The following ZNF236 variants were observed in gnomAD, a reference collection of about 807,000 sequenced individuals.
ZNF236 encodes zinc finger protein 236.
ZNF236 carries 50 observed loss-of-function variants against 191.2 expected under a neutral mutation model. The observed-to-expected ratio is 0.26, with a 90% CI of 0.21 to 0.33. ZNF236 has a LOEUF of 0.33. Ranked by LOEUF, ZNF236 falls within the 10% of genes least tolerant of loss-of-function variation. The pLI, the probability that ZNF236 is intolerant of heterozygous loss-of-function variation, is 1.00. For synonymous variants in ZNF236, 907 were observed against 928.8 expected (o/e 0.98, Z 0.43); for missense variants, 1,754 against 2,374.5 (o/e 0.74, Z 5.43).
At chr18:76,953,578 A>T (rs1968458517) in intron 27 of ZNF236, among the ~76,000 whole-genome samples, 1 of 152,138 alleles carries the variant, frequency 6.6e-6, no homozygotes, top group South Asian at 2.1e-4. Context: ...CTCACTCTTC[A>T]TGTCTGAATA....
rs1012239854 is a variant in ZNF236 at position 76,969,658 on chromosome 18, G to A, written c.*1319G>A. ...AAAATAATTGCCTTTATTTTCTCTC[G>A]TTGCCTCCTTGGTTTCAGAAGAGAG... On this transcript the variant is annotated 3_prime_UTR_variant, in exon 31 of 31. Transcript: ENST00000320610. 2.0e-5 allele frequency: 3 copies of A among 151,346 alleles called. No individual in the cohort carries two copies. Among genetic ancestry groups the A allele is most frequent in the Non-Finnish European group, 4.4e-5 (3 of 67,840 alleles). 9.4% of individuals were successfully genotyped at this position (151,346 alleles called of 1,614,324 possible).
At chr18:76,898,847 G>A (rs1977510547) in intron 10 of ZNF236, among the ~76,000 whole-genome samples, 172 bp from the exon 11 acceptor site, 1 of 152,084 alleles carries the variant, frequency 6.6e-6, no homozygotes, top group Admixed American at 6.5e-5. Flanking sequence ...TCTATAATAT[G>A]CACTGTATAC....
At chr18:76,877,937 T>C in intron 6 of ZNF236, 72 bp from the exon 7 acceptor site, 1 of 1,178,002 alleles carries the variant, frequency 8.5e-7, no homozygotes, top group South Asian at 1.8e-5. Flanking sequence ...AAATTATGAT[T>C]TGCCATAATT....
intron 26 of ZNF236, among the ~76,000 whole-genome samples, chr18:76,947,148 T>C (rs772679842): frequency 4.6e-5 from 7 of 152,242 alleles, no homozygotes; most frequent in Non-Finnish European, 1.0e-4. Flanking sequence ...GTGTGGTCTT[T>C]TGTGACTGGC....
At chr18:76,958,431 A>G (rs550339726) in intron 28 of ZNF236, among the ~76,000 whole-genome samples, 163 of 152,256 alleles carry the variant, frequency 1.1e-3, no homozygotes, top group Non-Finnish European at 1.9e-3. Context: ...AGGTCAGAGA[A>G]ACAGAAGCCA....
At chr18:76,900,117 A>G (rs999864535) in intron 11 of ZNF236, among the ~76,000 whole-genome samples, 2 of 152,222 alleles carry the variant, frequency 1.3e-5, no homozygotes, top group African/African-American at 4.8e-5. Context: ...AATTCAATCT[A>G]TAAGCAAAAT....
intron 22 of ZNF236, among the ~76,000 whole-genome samples, chr18:76,926,678 T>C (rs1967691191): frequency 7.5e-6 from 1 of 134,200 alleles, no homozygotes; most frequent in Non-Finnish European, 1.6e-5. Flanking sequence ...TGTGTATATA[T>C]GGTATAAAGA....
chr18:76,915,377 T>C (rs962143526), intron 18 of ZNF236, among the ~76,000 whole-genome samples: 1 of 152,200 alleles, frequency 6.6e-6, no homozygotes, highest in African/African-American at 2.4e-5. Flanking sequence ...TCACAGAGCC[T>C]GCTGATTTCA....
chr18:76,868,135 C>G (rs529780754), intron 3 of ZNF236, among the ~76,000 whole-genome samples: 1 of 152,098 alleles, frequency 6.6e-6, no homozygotes, highest in East Asian at 1.9e-4. Context: ...CTGCAGTTAC[C>G]CCACGCCTTG....
intron 9 of ZNF236, among the ~76,000 whole-genome samples, chr18:76,882,228 GCCGTCATTCAAGCATCTTCAGTGCT>G (rs1205967393): frequency 3.9e-5 from 6 of 152,052 alleles, no homozygotes; most frequent in East Asian, 3.9e-4. Context: ...TCAAATCTTG[GCCGTCATTCAAGCATCTTCAGTGCT>G]CCGTCATTCA....
chr18:76,844,039 A>G (rs1023409827), intron 1 of ZNF236, among the ~76,000 whole-genome samples: 2 of 151,906 alleles, frequency 1.3e-5, no homozygotes, highest in Non-Finnish European at 1.5e-5. Flanking sequence ...CAGGAGTTCG[A>G]GACCAGCCTA....
chr18:76,951,533 G>C (rs780944009), intron 27 of ZNF236, among the ~76,000 whole-genome samples: 3 of 152,238 alleles, frequency 2.0e-5, no homozygotes, highest in Admixed American at 6.5e-5. Context: ...ACATGGAAGA[G>C]AGTTAGAGTC....
At chr18:76,873,940 G>A (rs981079723) in intron 5 of ZNF236, among the ~76,000 whole-genome samples, 6 of 150,428 alleles carry the variant, frequency 4.0e-5, no homozygotes, top group African/African-American at 1.5e-4. Context: ...CACTCTCACT[G>A]TGCCTCCTGC....
chr18:76,874,111 T>A (rs1444922803), intron 5 of ZNF236, among the ~76,000 whole-genome samples: 2 of 151,948 alleles, frequency 1.3e-5, no homozygotes, highest in Non-Finnish European at 1.5e-5. Flanking sequence ...CCTCCTCTCC[T>A]GTCCCCATGC....
rs372208434 is a variant in ZNF236, at chr18:76,915,798, C to T, written c.3213C>T (p.His1071=). The T allele has an allele frequency of 3.1e-6, 5 of 1,614,190 alleles. No homozygotes were observed. The African/African-American group carries it at 6.7e-5, about 22-fold the overall frequency. The stretch of plus-strand genomic sequence containing the variant: ...GAACTACAGTGCATTGTAAAAAGCA[C>T]ATGAAGAGACACCAAACAGTCCCCT... ...GFRTTVHCKK[H]MKRHQTVPSA... The change falls in exon 19 of 31, where the codon CAC becomes CAT. Residue 1071 remains histidine (H), a synonymous_variant. Coordinates refer to ENST00000320610, the MANE Select transcript of ZNF236 (RefSeq NM_001306089.2).
intron 3 of ZNF236, among the ~76,000 whole-genome samples, chr18:76,867,120 C>G (rs969798206): frequency 6.6e-6 from 1 of 151,638 alleles, no homozygotes; most frequent in South Asian, 2.1e-4. Flanking sequence ...CGGAGAGGAG[C>G]GGGCTGCGAG....
Position 76,927,844 on chromosome 18 carries a change from T to G in ZNF236, c.4415-83T>G, listed in dbSNP as rs1967745799. On this transcript the variant is annotated intron_variant, in intron 24 of 30. Coordinates refer to ENST00000320610, the MANE Select transcript of ZNF236 (RefSeq NM_001306089.2). This position sits in a 1 kb window ranked among gnomAD's most constrained non-coding sequence, Gnocchi z 5.4. ...CTTATTGAAATATGTAATAACAGTT[T>G]AATTAAAATATTTTTAATATAAAAA... The G allele has an allele frequency of 2.9e-6, 3 of 1,024,114 alleles. No individual in the cohort carries two copies. The highest frequency in any genetic ancestry group is 4.1e-6 in the Non-Finnish European group (3 of 729,932). The allele number at this position is 1,024,114 out of a possible 1,614,324, so 63.4% of individuals were successfully genotyped here.
intron 1 of ZNF236, among the ~76,000 whole-genome samples, chr18:76,833,346 G>C (rs148712752): frequency 8.3e-4 from 127 of 152,120 alleles, no homozygotes; most frequent in African/African-American, 2.9e-3. Context: ...TTTGGGGGGT[G>C]GAGGTAGATA....
Position 76,919,860 on chromosome 18 carries a change from A to T in ZNF236, c.3359A>T (p.Glu1120Val). The T allele has an allele frequency of 6.2e-7, 1 of 1,614,200 alleles. No homozygotes were observed. The highest frequency in any genetic ancestry group is 8.5e-7 in the Non-Finnish European group (1 of 1,180,044). The change falls in exon 20 of 31, where the codon GAG (glutamate) becomes GTG (valine). Residue 1120 changes from glutamate to valine, a missense_variant. By Grantham distance (121) the Glu-to-Val change is moderately radical (BLOSUM62 -2). Around this residue, in one of 5 missense-constraint regions of ZNF236, gnomAD observed 641 missense variants for 869.6 expected, o/e 0.74. Transcript: ENST00000320610. This position sits in a 1 kb window ranked among gnomAD's most constrained non-coding sequence, Gnocchi z 5.3. ...SRPEVITFTE[E>V]ETAQLAKIRP... is the part of the protein sequence containing the mutation. ...CCTGAGGTCATCACTTTCACGGAGG[A>T]GGAGACAGCCCAGTTAGCCAAGATC... is the stretch of plus-strand genomic sequence containing the variant.
Sources: allele counts gnomAD v4.1 joint callset (sites outside exome capture counted in the v4.1 genomes callset), GRCh38; gene constraint gnomAD v4.1.1; regional missense constraint gnomAD v4.1.1; non-coding constraint Gnocchi (gnomAD v3.1); transcripts MANE v1.5; gene names NCBI Gene and HGNC (gene_info 2026-07-23, HGNC 2026-07-21).